CLASP1: variants seen among roughly 807,000 people sequenced by gnomAD.
CLASP1 encodes the protein cytoplasmic linker associated protein 1.
Under a neutral mutation model 192.3 loss-of-function variants are expected in CLASP1, and 38 were observed. The ratio of observed to expected loss-of-function variants is 0.20; its 90% CI spans 0.15 to 0.26. CLASP1 has a LOEUF of 0.26. CLASP1 is among the 10% of genes least tolerant of loss of function. The pLI, the probability that CLASP1 is intolerant of heterozygous loss-of-function variation, is 1.00. For missense variants in CLASP1, 1,433 were observed against 1,932.5 expected, an observed-to-expected ratio of 0.74 and a Z score of 4.85; for synonymous variants, 691 against 712.8, an observed-to-expected ratio of 0.97 and a Z score of 0.49.
chr2:121,612,918 G>A (rs2065850632), intron 1 of CLASP1, among the ~76,000 whole-genome samples: 2 of 152,166 alleles, frequency 1.3e-5, no homozygotes. Flanking sequence ...CAGCAGTGTT[G>A]ACATCAAAGA....
chr2:121,581,361 G>C (rs886490772), intron 2 of CLASP1, among the ~76,000 whole-genome samples: 60 of 135,410 alleles, frequency 4.4e-4, no homozygotes, highest in African/African-American at 1.7e-3. Flanking sequence ...TGCAAGCTCC[G>C]CTTCCCGGGT....
At chr2:121,480,777 G>A (rs576437970) in intron 8 of CLASP1, among the ~76,000 whole-genome samples, 2 of 152,216 alleles carry the variant, frequency 1.3e-5, no homozygotes, top group Admixed American at 1.3e-4. Context: ...GTGGAACCTG[G>A]CCACAGCATC....
At chr2:121,447,220 T>C (rs542774091) in intron 19 of CLASP1, 117 bp downstream of exon 19, 10 of 944,426 alleles carry the variant, frequency 1.1e-5, no homozygotes, top group African/African-American at 1.0e-4. Flanking sequence ...TAGATTTAAA[T>C]AGTAGCCCCA....
chr2:121,631,447 C>T (rs1026716868), intron 1 of CLASP1, among the ~76,000 whole-genome samples: 2 of 151,408 alleles, frequency 1.3e-5, no homozygotes, highest in African/African-American at 4.8e-5. Flanking sequence ...ACCACCAGGC[C>T]CAGCTAATTT....
At chr2:121,342,119 A>G (rs955410916) in intron 39 of CLASP1, among the ~76,000 whole-genome samples, 2 of 152,174 alleles carry the variant, frequency 1.3e-5, no homozygotes, top group African/African-American at 4.8e-5. Context: ...CATATTTAAA[A>G]AAAGAATTTT....
chr2:121,496,179 T>C (rs780677704), intron 8 of CLASP1, among the ~76,000 whole-genome samples: 4 of 152,244 alleles, frequency 2.6e-5, no homozygotes, highest in African/African-American at 4.8e-5. Context: ...CACCATTTAT[T>C]AAACAGATAT....
intron 1 of CLASP1, among the ~76,000 whole-genome samples, chr2:121,644,661 C>T (rs968587885): frequency 1.3e-5 from 2 of 151,490 alleles, no homozygotes; most frequent in African/African-American, 4.9e-5. Context: ...TCTTGGGGGC[C>T]GGTGTAGGGG....
chr2:121,601,946 G>A lies in CLASP1; in HGVS notation c.195+3755C>T, dbSNP rs113921740. Among the ~76,000 whole-genome samples, 293 of 152,122 alleles carry A rather than the reference G, an allele frequency of 1.9e-3. 1 individual carries two copies. Among genetic ancestry groups the A allele is most frequent in the African/African-American group, 6.5e-3 (272 of 41,528 alleles). On this transcript the variant is annotated intron_variant, in intron 2 of 39. Coordinates refer to ENST00000263710, the Ensembl canonical transcript of CLASP1. ...TCCCAGCACTTTGGGAGGCCAAGAC[G>A]GGTGGATCACCTGAGGTCACGAGTT...
At chr2:121,374,269 G>A (rs1351778092) in intron 34 of CLASP1, among the ~76,000 whole-genome samples, 2 of 152,272 alleles carry the variant, frequency 1.3e-5, no homozygotes, top group African/African-American at 4.8e-5. Flanking sequence ...TCCATGTGGT[G>A]TTGGGCCTGT....
rs765071979 is a variant in CLASP1, at chr2:121,461,084, T to G, written c.1032+17A>C. 6.9e-7 allele frequency: 1 copy of G among 1,458,492 alleles called. No individual in the cohort carries two copies. The highest frequency in any genetic ancestry group is 9.5e-7 in the Non-Finnish European group (1 of 1,054,068). 90.3% of individuals were successfully genotyped at this position (1,458,492 alleles called of 1,614,324 possible). A position where few individuals can be genotyped will look rare whatever the true frequency, so the allele number is the denominator to read the frequency against. Reference sequence around the variant, plus strand: ...TACATCTTATGAAAATGTAATCACATGAAGTCAACAGCTTACAGCATTTAC... The same window carrying G: ...TACATCTTATGAAAATGTAATCACAGGAAGTCAACAGCTTACAGCATTTAC... On this transcript the variant is annotated intron_variant, in intron 11 of 39. Coordinates refer to ENST00000263710, the Ensembl canonical transcript of CLASP1.
intron 8 of CLASP1, among the ~76,000 whole-genome samples, chr2:121,497,971 C>T (rs1047369178): frequency 3.3e-5 from 5 of 152,100 alleles, no homozygotes; most frequent in East Asian, 1.9e-4. Flanking sequence ...GTGATCCGCC[C>T]GCCTTGGCCT....
chr2:121,341,061 G>A (rs1409740633), intron 39 of CLASP1, 114 bp from the exon 41 acceptor site: 9 of 713,112 alleles, frequency 1.3e-5, no homozygotes, highest in Non-Finnish European at 2.0e-5. Context: ...TAGTTCCCTT[G>A]GTTGAGGAAT....
chr2:121,504,586 G>A lies in CLASP1; in HGVS notation c.645-1352C>T, dbSNP rs575269639. On this transcript the variant is annotated intron_variant, in intron 7 of 39. Transcript: ENST00000263710. ...GGTATTCACACAAGCTCTGGTGTTA[G>A]TTCATTCATTTGTTCATTCACTCAA... Among the ~76,000 whole-genome samples, 9 of 152,178 alleles carry A rather than the reference G, an allele frequency of 5.9e-5. No homozygotes were observed. The South Asian group carries it at 1.9e-3, about 32-fold the overall frequency.
At chr2:121,557,356 C>T (rs538743248) in intron 2 of CLASP1, among the ~76,000 whole-genome samples, 6 of 152,140 alleles carry the variant, frequency 3.9e-5, no homozygotes, top group African/African-American at 9.6e-5. Context: ...GAGGCTGAGG[C>T]GGACGGATCA....
At chr2:121,588,082 G>T (rs1467394829) in intron 2 of CLASP1, among the ~76,000 whole-genome samples, 1 of 148,210 alleles carries the variant, frequency 6.7e-6, no homozygotes. Flanking sequence ...GTTGAGGCAG[G>T]AGAATCACTT....
rs143947211 is a variant in CLASP1 at position 121,578,360 on chromosome 2, T to G, written c.195+27341A>C. Among the ~76,000 whole-genome samples the G allele has an allele frequency of 5.1e-3, 731 of 144,682 alleles. 9 individuals carry two copies. Among genetic ancestry groups the G allele is most frequent in the African/African-American group, 0.018 (709 of 38,784 alleles). 94.9% of individuals were successfully genotyped at this position (144,682 alleles called of 152,430 possible). A position where few individuals can be genotyped will look rare whatever the true frequency, so the allele number is the denominator to read the frequency against. ...TCACTTAAGGCCAGGAGTTTGAGGC[T>G]GTAGTGAGATATGATTACACCACTG... On this transcript the variant is annotated intron_variant, in intron 2 of 39. Coordinates refer to ENST00000263710, the Ensembl canonical transcript of CLASP1.
chr2:121,546,109 C>T (rs1049995659), intron 2 of CLASP1, among the ~76,000 whole-genome samples: 8 of 152,206 alleles, frequency 5.3e-5, no homozygotes, highest in African/African-American at 1.9e-4. Context: ...CACCCCAACA[C>T]ATTTCCTGTG....
intron 8 of CLASP1, among the ~76,000 whole-genome samples, chr2:121,476,778 A>C (rs1263715267): frequency 2.6e-5 from 4 of 152,120 alleles, no homozygotes; most frequent in Non-Finnish European, 5.9e-5. Context: ...ACTCCCTGCT[A>C]ATTGAGATTC....
At chr2:121,363,151 C>T (rs1292343714) in intron 37 of CLASP1, 21 bp downstream of exon 38, 3 of 1,613,814 alleles carry the variant, frequency 1.9e-6, no homozygotes, top group Non-Finnish European at 2.5e-6. Flanking sequence ...TTCAGCACCC[C>T]TGGCCACATG....
Sources: gnomAD v4.1 joint callset for allele counts (sites outside exome capture counted in the v4.1 genomes callset) on GRCh38, gnomAD v4.1.1 for gene constraint, MANE v1.5 for transcripts, NCBI Gene and HGNC (gene_info 2026-07-23, HGNC 2026-07-21) for gene names.